The following ADCY2 variants were observed in gnomAD, a reference collection of about 807,000 sequenced individuals.
ADCY2 encodes the protein adenylate cyclase 2.
ADCY2 carries 31 observed loss-of-function variants against 125.2 expected under a neutral mutation model. The observed-to-expected ratio is 0.25, with a 90% CI of 0.19 to 0.33. The LOEUF (loss-of-function observed/expected upper bound fraction) is 0.33, where lower values mean the gene tolerates loss of function less well. ADCY2 is among the 10% of genes least tolerant of loss of function. The pLI is 1.00. For missense variants in ADCY2, 904 were observed against 1,418.2 expected (o/e 0.64, Z 5.82); for synonymous variants, 512 against 548.4 (o/e 0.93, Z 0.93).
chr5:7,560,375 A>AT lies in ADCY2; in HGVS notation c.570+39482dup, dbSNP rs1354321041. On this transcript the variant is annotated intron_variant, in intron 3 of 24. Coordinates refer to ENST00000338316, the MANE Select transcript of ADCY2 (RefSeq NM_020546.3). ...GCAAGTTTAAGGTGTTTGCTATATTATTTTTTCTGTACTCTTCTGCCTTTT... is the reference window on the plus strand; with the variant it reads ...GCAAGTTTAAGGTGTTTGCTATATTATTTTTTTCTGTACTCTTCTGCCTTTT... 4.6e-5 allele frequency among the ~76,000 whole-genome samples: 7 copies of AT among 152,166 alleles called. No homozygotes were observed. The South Asian group carries it at 1.5e-3, about 32-fold the overall frequency.
chr5:7,607,919 C>T (rs1737436402), intron 3 of ADCY2, among the ~76,000 whole-genome samples: 1 of 152,102 alleles, frequency 6.6e-6, no homozygotes, highest in South Asian at 2.1e-4. Flanking sequence ...GATGTGTCTC[C>T]TGGGGAGACC....
intron 2 of ADCY2, among the ~76,000 whole-genome samples, chr5:7,482,123 G>A (rs966080417): frequency 5.3e-5 from 8 of 152,064 alleles, no homozygotes; most frequent in Admixed American, 4.6e-4. Flanking sequence ...AAAAAGTATT[G>A]ATCTGGGGTT....
At chr5:7,431,138 A>C (rs1158927713) in intron 2 of ADCY2, among the ~76,000 whole-genome samples, 1 of 152,204 alleles carries the variant, frequency 6.6e-6, no homozygotes, top group African/African-American at 2.4e-5. Flanking sequence ...ACCAGATTTC[A>C]TGATTTATTA....
At chr5:7,586,974 G>T (rs532068699) in intron 3 of ADCY2, among the ~76,000 whole-genome samples, 4 of 152,150 alleles carry the variant, frequency 2.6e-5, no homozygotes, top group Admixed American at 2.0e-4. Context: ...TTTCACACAG[G>T]TATATAGATA....
intron 2 of ADCY2, among the ~76,000 whole-genome samples, chr5:7,428,253 C>T (rs1259767528): frequency 1.3e-5 from 2 of 152,166 alleles, no homozygotes; most frequent in African/African-American, 4.8e-5. Flanking sequence ...AATCTCCAGC[C>T]ATCTGAAACA....
intron 15 of ADCY2, among the ~76,000 whole-genome samples, chr5:7,744,309 A>G (rs1742531537): frequency 6.6e-6 from 1 of 152,168 alleles, no homozygotes; most frequent in Non-Finnish European, 1.5e-5. Context: ...TCATAGGTGC[A>G]GCAAACCACC....
At chr5:7,480,653 A>C (rs989855305) in intron 2 of ADCY2, among the ~76,000 whole-genome samples, 2 of 152,124 alleles carry the variant, frequency 1.3e-5, no homozygotes, top group African/African-American at 4.8e-5. Context: ...CTGATGGGTA[A>C]TAGGCTTAAT....
At chr5:7,720,551 C>T (rs978788375) in intron 12 of ADCY2, among the ~76,000 whole-genome samples, 1 of 151,952 alleles carries the variant, frequency 6.6e-6, no homozygotes, top group African/African-American at 2.4e-5. Flanking sequence ...CCCCTCTCCC[C>T]CCACCCCATG....
chr5:7,580,189 C>G (rs1406168840), intron 3 of ADCY2, among the ~76,000 whole-genome samples: 1 of 152,114 alleles, frequency 6.6e-6, no homozygotes, highest in Non-Finnish European at 1.5e-5. Context: ...TGTACCCAAA[C>G]CTCAGCATCT....
At chr5:7,487,925 G>T (rs1473872645) in intron 2 of ADCY2, among the ~76,000 whole-genome samples, 1 of 152,150 alleles carries the variant, frequency 6.6e-6, no homozygotes, top group Non-Finnish European at 1.5e-5. Flanking sequence ...GCTCTGAGTG[G>T]TGTAGGTGAA....
At chr5:7,609,728 G>A (rs1208804787) in intron 3 of ADCY2, among the ~76,000 whole-genome samples, 1 of 152,190 alleles carries the variant, frequency 6.6e-6, no homozygotes, top group Non-Finnish European at 1.5e-5. Context: ...AAGTATCAGG[G>A]AGTATTACTC....
chr5:7,654,669 T>C (rs1174616295), intron 4 of ADCY2, among the ~76,000 whole-genome samples: 1 of 152,194 alleles, frequency 6.6e-6, no homozygotes, highest in Non-Finnish European at 1.5e-5. Context: ...TTTGACTTAC[T>C]CCTTTTGTGT....
intron 4 of ADCY2, among the ~76,000 whole-genome samples, chr5:7,660,573 T>A (rs1739493234): frequency 6.6e-6 from 1 of 152,002 alleles, no homozygotes; most frequent in African/African-American, 2.4e-5. Flanking sequence ...GGTTGGAGAG[T>A]AAGTTAAGAG....
Position 7,744,628 on chromosome 5 carries a change from G to A in ADCY2, c.1956+876G>A, listed in dbSNP as rs116788863. Among the ~76,000 whole-genome samples the A allele has an allele frequency of 6.9e-3, 1,046 of 152,348 alleles. 5 individuals are homozygous for A. The highest frequency in any genetic ancestry group is 0.011 in the Non-Finnish European group (732 of 68,032). ...TAAGGATGCAAACAATGGGATAGAAGGCCCTGAAGATAAGCCACTGTTTCG... is the reference window on the plus strand; with the variant it reads ...TAAGGATGCAAACAATGGGATAGAAAGCCCTGAAGATAAGCCACTGTTTCG... On this transcript the variant is annotated intron_variant, in intron 15 of 24. Coordinates refer to ENST00000338316, the MANE Select transcript of ADCY2 (RefSeq NM_020546.3).
rs142515106 is a variant in ADCY2, at chr5:7,513,078, G to GACACACACAC, written c.409-7640_409-7631dup. On this transcript the variant is annotated intron_variant, in intron 2 of 24. Transcript: ENST00000338316. ...GAGGGAGAATATGTGGAAAATACAT[G>GACACACACAC]ACACACACACACACACACACACACA... Among the ~76,000 whole-genome samples, 518 of 124,014 alleles carry GACACACACAC rather than the reference G, an allele frequency of 4.2e-3. 3 individuals carry two copies. Among genetic ancestry groups the GACACACACAC allele is most frequent in the Middle Eastern group, 8.2e-3 (2 of 244 alleles). The allele number at this position is 124,014 out of a possible 152,430, so 81.4% of individuals were successfully genotyped here. A position where few individuals can be genotyped will look rare whatever the true frequency, so the allele number is the denominator to read the frequency against.
chr5:7,550,098 G>A (rs961392552), intron 3 of ADCY2, among the ~76,000 whole-genome samples: 14 of 152,074 alleles, frequency 9.2e-5, no homozygotes, highest in African/African-American at 3.4e-4. Flanking sequence ...TAAGAATACA[G>A]ATTAATCCTC....
At chr5:7,416,113 A>G (rs987184397) in intron 2 of ADCY2, among the ~76,000 whole-genome samples, 1 of 152,146 alleles carries the variant, frequency 6.6e-6, no homozygotes, top group African/African-American at 2.4e-5. Flanking sequence ...GGGACAGAAT[A>G]CTGTTGGTGT....
At chr5:7,767,007 A>G (rs556791559) in intron 17 of ADCY2, among the ~76,000 whole-genome samples, 281 of 152,300 alleles carry the variant, frequency 1.8e-3, no homozygotes, top group Non-Finnish European at 2.9e-3. Context: ...TATATCTGAA[A>G]ACTTACAATG....
At chr5:7,612,030 T>C (rs1737586171) in intron 3 of ADCY2, among the ~76,000 whole-genome samples, 1 of 152,194 alleles carries the variant, frequency 6.6e-6, no homozygotes, top group Non-Finnish European at 1.5e-5. Flanking sequence ...AAAATTCAAC[T>C]GAAAAGAGTT....
Sources: allele counts gnomAD v4.1 joint callset (sites outside exome capture counted in the v4.1 genomes callset), GRCh38; gene constraint gnomAD v4.1.1; transcripts MANE v1.5; gene names NCBI Gene and HGNC (gene_info 2026-07-23, HGNC 2026-07-21).